Variants in ROBO2 observed in about 807,000 individuals in gnomAD.
The protein encoded by ROBO2 is roundabout guidance receptor 2.
In ROBO2, 53 loss-of-function variants were observed where a neutral mutation model predicts 160.8. That is an observed-to-expected ratio of 0.33 (90% CI 0.26 to 0.41). ROBO2 has a LOEUF of 0.41. ROBO2 is among the 10% of genes least tolerant of loss of function. The probability of loss-of-function intolerance (pLI) is 1.00; values close to 1 mark genes in which losing one functional copy is unlikely to be tolerated. For missense variants in ROBO2, 1,577 were observed against 1,722.4 expected, an observed-to-expected ratio of 0.92 and a Z score of 1.49; for synonymous variants, 664 against 611.7, an observed-to-expected ratio of 1.09 and a Z score of -1.26.
At chr3:76,064,913 T>C (rs1025286566) in intron 2 of ROBO2, among the ~76,000 whole-genome samples, 17 of 152,032 alleles carry the variant, frequency 1.1e-4, no homozygotes, top group Admixed American at 7.9e-4. Flanking sequence ...AAAGGTATGA[T>C]TTTTTTTCTT....
At chr3:77,500,285 T>C (rs1316942776) in intron 5 of ROBO2, among the ~76,000 whole-genome samples, 1 of 152,196 alleles carries the variant, frequency 6.6e-6, no homozygotes, top group Non-Finnish European at 1.5e-5. Flanking sequence ...ATAATATTAC[T>C]CCTACTTGAG....
At chr3:77,166,145 C>A (rs1266632959) in intron 2 of ROBO2, among the ~76,000 whole-genome samples, 1 of 152,086 alleles carries the variant, frequency 6.6e-6, no homozygotes, top group African/African-American at 2.4e-5. Context: ...GTAGTCCCAG[C>A]TGCTTGCGTG....
intron 2 of ROBO2, among the ~76,000 whole-genome samples, chr3:76,625,464 A>C (rs2109345920): frequency 6.6e-6 from 1 of 152,276 alleles, no homozygotes; most frequent in Admixed American, 6.5e-5. Flanking sequence ...ATGGGGGCCA[A>C]AAAAATAAGC....
At chr3:77,463,320 T>G (rs2082428148) in intron 2 of ROBO2, among the ~76,000 whole-genome samples, 1 of 152,118 alleles carries the variant, frequency 6.6e-6, no homozygotes, top group Admixed American at 6.6e-5. Flanking sequence ...ACTTTTAAAA[T>G]GAACTAGGTA....
chr3:76,064,907 G>T (rs2068200117), intron 2 of ROBO2, among the ~76,000 whole-genome samples: 1 of 152,010 alleles, frequency 6.6e-6, no homozygotes, highest in Non-Finnish European at 1.5e-5. Context: ...TAAAAGAAAG[G>T]TATGATTTTT....
chr3:76,703,266 G>C (rs930858036), intron 2 of ROBO2, among the ~76,000 whole-genome samples: 1 of 152,008 alleles, frequency 6.6e-6, no homozygotes, highest in Non-Finnish European at 1.5e-5. Context: ...GACTTAGGTC[G>C]CAACATTACA....
chr3:77,518,192 C>A (rs1422717431), intron 5 of ROBO2, among the ~76,000 whole-genome samples: 1 of 151,386 alleles, frequency 6.6e-6, no homozygotes, highest in Non-Finnish European at 1.5e-5. Context: ...ATAGAATAGA[C>A]CCCTTGTCAC....
At chr3:77,644,610 A>T in intron 24 of ROBO2, 94 bp from the exon 27 acceptor site, 1 of 1,068,180 alleles carries the variant, frequency 9.4e-7, no homozygotes, top group Non-Finnish European at 1.4e-6. Flanking sequence ...GAAATGGTAA[A>T]GTAGGCCATT....
At chr3:76,184,814 G>T (rs1487373234) in intron 2 of ROBO2, among the ~76,000 whole-genome samples, 1 of 152,090 alleles carries the variant, frequency 6.6e-6, no homozygotes, top group East Asian at 1.9e-4. Flanking sequence ...GACTCCAAAG[G>T]CTGAGAAGCC....
rs34156909 is a variant in ROBO2, at chr3:77,142,798, G to A, written c.388+44458G>A. ...CAGCTACCTCTTCTGAGGGCCTGAGGTAGGTCAGACACCAGGCTAGGCATG... is the reference window on the plus strand; with the variant it reads ...CAGCTACCTCTTCTGAGGGCCTGAGATAGGTCAGACACCAGGCTAGGCATG... On this transcript the variant is annotated intron_variant, in intron 2 of 25. Coordinates refer to ENST00000461745, the Ensembl canonical transcript of ROBO2. Among the ~76,000 whole-genome samples the A allele has an allele frequency of 4.8e-3, 724 of 152,244 alleles. 3 individuals are homozygous for A. Among genetic ancestry groups the A allele is most frequent in the Non-Finnish European group, 8.6e-3 (585 of 68,022 alleles).
chr3:76,053,485 T>A (rs1474465931), intron 2 of ROBO2, among the ~76,000 whole-genome samples: 1 of 152,070 alleles, frequency 6.6e-6, no homozygotes, highest in Non-Finnish European at 1.5e-5. Flanking sequence ...TTGTTACAAC[T>A]GTGGTGAGAA....
intron 2 of ROBO2, among the ~76,000 whole-genome samples, chr3:76,214,072 C>T (rs761773294): frequency 6.6e-6 from 1 of 152,264 alleles, no homozygotes; most frequent in African/African-American, 2.4e-5. Flanking sequence ...TCCCTTAGCT[C>T]AGTCAAGTTG....
chr3:76,820,755 T>G (rs1315995020), intron 2 of ROBO2, among the ~76,000 whole-genome samples: 1 of 152,024 alleles, frequency 6.6e-6, no homozygotes, highest in African/African-American at 2.4e-5. Flanking sequence ...GTTTACAATA[T>G]GTAGTAATGT....
At chr3:77,619,595 T>C (rs2094856616) in intron 22 of ROBO2, among the ~76,000 whole-genome samples, 2 of 152,074 alleles carry the variant, frequency 1.3e-5, no homozygotes, top group African/African-American at 4.8e-5. Context: ...TTCCTTGAGG[T>C]CCTGCGACTT....
intron 2 of ROBO2, among the ~76,000 whole-genome samples, chr3:76,246,250 T>C (rs1705612487): frequency 6.6e-6 from 1 of 152,128 alleles, no homozygotes; most frequent in Non-Finnish European, 1.5e-5. Context: ...AATGAAATAT[T>C]GACTGAGTTA....
chr3:76,012,635 G>A (rs1028780362), intron 2 of ROBO2, among the ~76,000 whole-genome samples: 19 of 150,792 alleles, frequency 1.3e-4, no homozygotes, highest in Non-Finnish European at 2.7e-4. Flanking sequence ...TTTTTTTCCC[G>A]TTAGCCAAAT....
At chr3:76,686,447 T>C (rs2092687273) in intron 2 of ROBO2, among the ~76,000 whole-genome samples, 1 of 149,620 alleles carries the variant, frequency 6.7e-6, no homozygotes, top group African/African-American at 2.6e-5. Context: ...ACAATCCTAA[T>C]ATTTTCCTGC....
chr3:77,273,568 A>C (rs1166780167), intron 2 of ROBO2, among the ~76,000 whole-genome samples: 1 of 152,220 alleles, frequency 6.6e-6, no homozygotes, highest in Non-Finnish European at 1.5e-5. Flanking sequence ...TCCCTTGGCT[A>C]GTTGGTCATT....
chr3:76,660,340 G>A (rs546128148), intron 2 of ROBO2, among the ~76,000 whole-genome samples: 22 of 152,206 alleles, frequency 1.4e-4, no homozygotes, highest in Admixed American at 4.6e-4. Flanking sequence ...TGACCCAGTC[G>A]AAGAGTATAG....
Sources: allele counts gnomAD v4.1 joint callset (sites outside exome capture counted in the v4.1 genomes callset), GRCh38; gene constraint gnomAD v4.1.1; transcripts MANE v1.5; gene names NCBI Gene and HGNC (gene_info 2026-07-23, HGNC 2026-07-21).